The following USP42 variants were observed in gnomAD, a reference collection of about 807,000 sequenced individuals.
The protein encoded by USP42 is ubiquitin carboxyl-terminal hydrolase 42.
Under a neutral mutation model 113.0 loss-of-function variants are expected in USP42, and 23 were observed. The observed-to-expected ratio is 0.20, with a 90% CI of 0.15 to 0.29. The LOEUF is 0.29. Among genes scored for constraint, USP42 ranks in the 10% least tolerant of loss-of-function variants. The pLI, the probability that USP42 is intolerant of heterozygous loss-of-function variation, is 1.00. For missense variants in USP42, 2,174 were observed against 1,779.8 expected, an observed-to-expected ratio of 1.22 and a Z score of -3.99; for synonymous variants, 933 against 699.0, an observed-to-expected ratio of 1.33 and a Z score of -5.28.
intron 14 of USP42, 120 bp from the exon 15 acceptor site, chr7:6,153,636 T>A: frequency 1.6e-6 from 2 of 1,231,782 alleles, no homozygotes; most frequent in Non-Finnish European, 2.1e-6. Context: ...AGTATAATAA[T>A]AATAAAATAA....
intron 3 of USP42, 88 bp from the exon 4 acceptor site, chr7:6,135,753 C>T (rs1781106032): frequency 6.0e-6 from 3 of 496,020 alleles, no homozygotes; most frequent in Non-Finnish European, 3.4e-6. Context: ...TATTTCATTT[C>T]AGGTGTGTGC....
chr7:6,151,603 A>G (rs1782054340), intron 14 of USP42, among the ~76,000 whole-genome samples: 1 of 150,580 alleles, frequency 6.6e-6, no homozygotes, highest in Admixed American at 6.6e-5. Flanking sequence ...CCACCCAGCT[A>G]ATTTTTTTTT....
Position 6,140,210 on chromosome 7 carries a change from A to T in USP42, c.724+15A>T, listed in dbSNP as rs372642571. The T allele has an allele frequency of 6.2e-7, 1 of 1,605,426 alleles. No individual in the cohort carries two copies. The highest frequency in any genetic ancestry group is 1.7e-5 in the Admixed American group (1 of 59,882). On this transcript the variant is annotated intron_variant, in intron 6 of 17. Coordinates refer to ENST00000306177, the MANE Select transcript of USP42 (RefSeq NM_032172.3). ...AAGATCTAGAGGTAAGCTTTTGCTT[A>T]TAAGTTGATAAAATGATACACACAT...
intron 14 of USP42, among the ~76,000 whole-genome samples, chr7:6,152,040 A>G (rs972281969): frequency 6.6e-6 from 1 of 152,232 alleles, no homozygotes; most frequent in Non-Finnish European, 1.5e-5. Context: ...TTTAAAAAAA[A>G]AATCATGTCA....
chr7:6,089,450 A>T, the USP42 span, among the ~76,000 whole-genome samples: 2 of 150,796 alleles, frequency 1.3e-5, no homozygotes, highest in Admixed American at 1.3e-4. Flanking sequence ...AGAAAATTTT[A>T]AAAACGTAAT....
chr7:6,151,604 A>AT (rs58896926), intron 14 of USP42, among the ~76,000 whole-genome samples: 6,443 of 149,952 alleles, frequency 0.043, 475 homozygotes, highest in African/African-American at 0.15. Context: ...CACCCAGCTA[A>AT]TTTTTTTTTT....
upstream of USP42, among the ~76,000 whole-genome samples, chr7:6,102,445 C>T (rs1161572256): frequency 6.7e-6 from 1 of 149,526 alleles, no homozygotes; most frequent in African/African-American, 2.5e-5. Context: ...CTGGAGGGAC[C>T]AGTTTGTCAA....
chr7:6,140,296 C>T, intron 6 of USP42, 101 bp downstream of exon 6: 2 of 1,064,822 alleles, frequency 1.9e-6, no homozygotes, highest in South Asian at 3.0e-5. Flanking sequence ...AGGAAAAGTG[C>T]TTCTCTCCAG....
At chr7:6,101,705 GA>G (rs1175891299), upstream of USP42, among the ~76,000 whole-genome samples, 2 of 151,124 alleles carry the variant, frequency 1.3e-5, no homozygotes. Context: ...GGGCAAGGTA[GA>G]GGGGGAGGTG....
chr7:6,136,439 C>T (rs1321857318), intron 4 of USP42, among the ~76,000 whole-genome samples: 3 of 152,122 alleles, frequency 2.0e-5, no homozygotes. Flanking sequence ...TATATAAACA[C>T]ATTTTGAAAC....
intron 3 of USP42, among the ~76,000 whole-genome samples, chr7:6,123,460 G>A (rs550130625): frequency 6.6e-5 from 10 of 152,178 alleles, no homozygotes; most frequent in Middle Eastern, 3.4e-3. Context: ...TCAGGAGATC[G>A]AGACCATCCT....
Position 6,158,204 on chromosome 7 carries a change from G to A in USP42, c.3943+1149G>A, listed in dbSNP as rs1017402315. Among the ~76,000 whole-genome samples the A allele has an allele frequency of 1.3e-5, 2 of 152,266 alleles. No individual in the cohort carries two copies. The highest frequency in any genetic ancestry group is 4.8e-5 in the African/African-American group (2 of 41,480). On this transcript the variant is annotated intron_variant, in intron 16 of 17. Transcript: ENST00000306177. This position sits in a 1 kb window ranked among gnomAD's most constrained non-coding sequence, Gnocchi z 4.2. Reference sequence around the variant, plus strand: ...GCTTGATTGGGGCGCAGCCAGGTGCGTTCCCACGCTGTCTGGCGGCTTCGC... The same window carrying A: ...GCTTGATTGGGGCGCAGCCAGGTGCATTCCCACGCTGTCTGGCGGCTTCGC...
intron 2 of USP42, 144 bp downstream of exon 2, chr7:6,111,518 G>C (rs976194304): frequency 2.2e-6 from 2 of 929,364 alleles, no homozygotes; most frequent in Non-Finnish European, 3.1e-6. Flanking sequence ...GATGGGCTTT[G>C]TTTTCCTGTT....
upstream of USP42, among the ~76,000 whole-genome samples, chr7:6,103,556 AGT>A (rs772903438): frequency 1.2e-4 from 18 of 149,604 alleles, no homozygotes; most frequent in Non-Finnish European, 2.7e-4. Flanking sequence ...TCTGTAACTC[AGT>A]GTGTGAGTCT....
At chr7:6,127,609 A>G (rs1780609477) in intron 3 of USP42, among the ~76,000 whole-genome samples, 2 of 152,130 alleles carry the variant, frequency 1.3e-5, no homozygotes, top group Non-Finnish European at 2.9e-5. Flanking sequence ...GTCTGTCTCC[A>G]GGTTTCTGTT....
chr7:6,148,626 G>C (rs1254095583), intron 12 of USP42, among the ~76,000 whole-genome samples: 1 of 152,182 alleles, frequency 6.6e-6, no homozygotes, highest in East Asian at 1.9e-4. Context: ...GGTCCTGTCG[G>C]GGCGAACAGT....
rs779742880 is a variant in USP42, at chr7:6,150,140, G to A, written c.1944G>A (p.Pro648=). The part of the protein sequence containing the change: ...GQDAEDEEAT[P]HELQEPMTLN... ...ATGCCGAAGATGAGGAGGCCACTCC[G>A]CACGAGCTTCAAGAACCCATGACCC... The change falls in exon 13 of 18, where the codon CCG becomes CCA. Residue 648 remains proline (P), a synonymous_variant. Coordinates refer to ENST00000306177, the MANE Select transcript of USP42 (RefSeq NM_032172.3). The A allele has an allele frequency of 2.4e-5, 38 of 1,613,274 alleles. No individual in the cohort carries two copies. The highest frequency in any genetic ancestry group is 1.6e-4 in the Middle Eastern group (1 of 6,084).
chr7:6,121,464 C>CT lies in USP42; in HGVS notation c.442+5951dup, dbSNP rs201686654. On this transcript the variant is annotated intron_variant, in intron 3 of 17. Transcript: ENST00000306177. Reference sequence around the variant, plus strand: ...ATTAGCCTATAGTTTCTTATAATGCCTTTTTTTTTTCTTGTTTTGGCATTA... The same window carrying CT: ...ATTAGCCTATAGTTTCTTATAATGCCTTTTTTTTTTTCTTGTTTTGGCATTA... Among the ~76,000 whole-genome samples the CT allele has an allele frequency of 3.7e-4, 55 of 148,766 alleles. No individual in the cohort carries two copies. The East Asian group carries it at 7.7e-3, about 21-fold the overall frequency.
At chr7:6,134,907 C>T (rs1781046380) in intron 3 of USP42, among the ~76,000 whole-genome samples, 1 of 152,108 alleles carries the variant, frequency 6.6e-6, no homozygotes, top group South Asian at 2.1e-4. Context: ...CTGCCTCGGC[C>T]TCCTGGGTAG....
Sources: gnomAD v4.1 joint callset for allele counts (sites outside exome capture counted in the v4.1 genomes callset) on GRCh38, gnomAD v4.1.1 for gene constraint, Gnocchi (gnomAD v3.1) non-coding constraint, MANE v1.5 for transcripts, NCBI Gene and HGNC (gene_info 2026-07-23, HGNC 2026-07-21) for gene names.